The following TTBK2 variants were observed in gnomAD, a reference collection of about 807,000 sequenced individuals.
The protein encoded by TTBK2 is tau-tubulin kinase 2.
Under a neutral mutation model 110.8 loss-of-function variants are expected in TTBK2, and 28 were observed. The observed-to-expected ratio is 0.25, with a 90% confidence interval of 0.19 to 0.35. TTBK2 has a LOEUF of 0.35. TTBK2 is among the 10% of genes least tolerant of loss of function. The pLI, the probability that TTBK2 is intolerant of heterozygous loss-of-function variation, is 1.00. For missense variants in TTBK2, 1,369 were observed against 1,500.3 expected, an observed-to-expected ratio of 0.91 and a Z score of 1.45; for synonymous variants, 532 against 527.3, an observed-to-expected ratio of 1.01 and a Z score of -0.12.
At chr15:42,796,881 T>G (rs1379810518) in intron 9 of TTBK2, among the ~76,000 whole-genome samples, 1 of 152,208 alleles carries the variant, frequency 6.6e-6, no homozygotes, top group Non-Finnish European at 1.5e-5. Flanking sequence ...GGAAGAATTG[T>G]AAATACAGAA....
At chr15:42,828,634 A>C (rs1892628395) in intron 5 of TTBK2, among the ~76,000 whole-genome samples, 1 of 151,554 alleles carries the variant, frequency 6.6e-6, no homozygotes. Flanking sequence ...GAGGCAGGAG[A>C]ATTGCTTGAA....
At chr15:42,855,488 G>A in intron 3 of TTBK2, among the ~76,000 whole-genome samples, 1 of 152,252 alleles carries the variant, frequency 6.6e-6, no homozygotes, top group East Asian at 1.9e-4. Flanking sequence ...AAGAATACTG[G>A]AGTTATACAA....
At chr15:42,872,505 G>A in intron 3 of TTBK2, 106 bp downstream of exon 3, 2 of 1,335,746 alleles carry the variant, frequency 1.5e-6, no homozygotes, top group East Asian at 2.5e-5. Flanking sequence ...GCTGACACCA[G>A]TACATTCAAT....
In TTBK2 at chr15:42,828,041, A is replaced by G; in HGVS notation, c.433-9T>C. The G allele has an allele frequency of 6.3e-7, 1 of 1,597,598 alleles. No homozygotes were observed. Among genetic ancestry groups the G allele is most frequent in the South Asian group, 1.1e-5 (1 of 90,544 alleles). On this transcript the variant is annotated splice_polypyrimidine_tract_variant and intron_variant, in intron 5 of 14. Transcript: ENST00000267890. ...CCCATAGCGAAGTTCGACTAGAAAA[A>G]TAAAGAAGGAAAATATATACATTCT... is the stretch of plus-strand genomic sequence containing the variant.
At chr15:42,824,220 A>T (rs141589015) in intron 6 of TTBK2, among the ~76,000 whole-genome samples, 54 of 152,274 alleles carry the variant, frequency 3.5e-4, no homozygotes, top group African/African-American at 1.2e-3. Flanking sequence ...TCAAATTTCA[A>T]CATCAGATTT....
intron 1 of TTBK2, among the ~76,000 whole-genome samples, chr15:42,906,729 G>A (rs1197533): frequency 0.44 from 67,417 of 152,060 alleles, 19,101 homozygotes; most frequent in African/African-American, 0.81. Flanking sequence ...AACAATCAAC[G>A]AAGTAGACAA....
Position 42,841,305 on chromosome 15 carries a change from G to C in TTBK2, c.218-872C>G, listed in dbSNP as rs1893208747. Among the ~76,000 whole-genome samples the C allele has an allele frequency of 3.9e-5, 6 of 152,096 alleles. No individual in the cohort carries two copies. The South Asian group carries it at 1.2e-3, about 32-fold the overall frequency. ...CACTGCAACCTCTGCCTCCTGGAGG[G>C]CTCAACTGATCCTCCCACCTCAGCC... On this transcript the variant is annotated intron_variant, in intron 3 of 14. Transcript: ENST00000267890.
chr15:42,770,099 T>A (rs1018903340), intron 13 of TTBK2, among the ~76,000 whole-genome samples: 1 of 99,522 alleles, frequency 1.0e-5, no homozygotes, highest in Non-Finnish European at 2.0e-5. Flanking sequence ...CCAGGGCCTG[T>A]CGTGGGGTGG....
intron 14 of TTBK2, among the ~76,000 whole-genome samples, chr15:42,747,672 G>T (rs557667330): frequency 6.6e-6 from 1 of 152,344 alleles, no homozygotes; most frequent in African/African-American, 2.4e-5. Context: ...CAGCCCTGGG[G>T]TGGGGAGGGC....
chr15:42,890,322 G>T (rs1224211155), intron 1 of TTBK2, among the ~76,000 whole-genome samples: 2 of 152,174 alleles, frequency 1.3e-5, no homozygotes, highest in Admixed American at 6.5e-5. Context: ...ACACAAACCT[G>T]TTTGGTGGCC....
rs976318702 is a variant in TTBK2 at position 42,745,626 on chromosome 15, T to C, written c.*169A>G. 17 of 823,756 alleles carry C rather than the reference T, an allele frequency of 2.1e-5. No homozygotes were observed. Among genetic ancestry groups the C allele is most frequent in the Non-Finnish European group, 3.4e-5 (17 of 501,902 alleles). The allele number at this position is 823,756 out of a possible 1,614,324, so 51.0% of individuals were successfully genotyped here. ...TTCCTAATCTACTTGCTGCCTGCCT[T>C]AGGTAATTCCTTATCATGTATTATG... On this transcript the variant is annotated 3_prime_UTR_variant, in exon 15 of 15. Coordinates refer to ENST00000267890, the MANE Select transcript of TTBK2 (RefSeq NM_173500.4).
At position 42,751,985 on chromosome 15, in the gene TTBK2, T is replaced by C. The variant is rs2140587950; in HGVS notation, c.3261A>G (p.Gly1087=). 6.2e-7 allele frequency: 1 copy of C among 1,613,950 alleles called. No homozygotes were observed. Among genetic ancestry groups the C allele is most frequent in the East Asian group, 2.2e-5 (1 of 44,882 alleles). ...GCACACAGCATTACCTGGCTTCTAC[T>C]CCAGGCCTCGTGGGTGGCTTTCCTG... is the stretch of plus-strand genomic sequence containing the variant. ...PPPGKPPTRP[G]VEARLRRYKV... is the part of the protein sequence containing the mutation. The change falls in exon 14 of 15, where the codon GGA becomes GGG. Residue 1087 remains glycine, a synonymous_variant. Transcript: ENST00000267890.
chr15:42,867,433 A>T (rs1894420077), intron 3 of TTBK2, among the ~76,000 whole-genome samples: 1 of 152,136 alleles, frequency 6.6e-6, no homozygotes, highest in Non-Finnish European at 1.5e-5. Flanking sequence ...TTTGCAAAAG[A>T]CCTATATGAT....
intron 9 of TTBK2, among the ~76,000 whole-genome samples, chr15:42,796,156 C>A (rs969452519): frequency 3.9e-5 from 6 of 152,260 alleles, no homozygotes; most frequent in Admixed American, 3.3e-4. Context: ...GTAATCCCAG[C>A]ACTTTGGGAG....
chr15:42,811,801 C>T (rs1279032980), intron 7 of TTBK2, 21 bp from the exon 8 acceptor site: 71 of 1,603,026 alleles, frequency 4.4e-5, no homozygotes, highest in Non-Finnish European at 5.6e-5. Flanking sequence ...AAAACAGAAT[C>T]CAGTCACATA....
chr15:42,913,817 C>T (rs147367590), intron 1 of TTBK2, among the ~76,000 whole-genome samples: 3 of 152,252 alleles, frequency 2.0e-5, no homozygotes, highest in East Asian at 1.9e-4. Flanking sequence ...GAAAACACTA[C>T]ACATTCCTTG....
At chr15:42,891,965 T>C (rs1376883503) in intron 1 of TTBK2, among the ~76,000 whole-genome samples, 1 of 152,102 alleles carries the variant, frequency 6.6e-6, no homozygotes, top group African/African-American at 2.4e-5. Context: ...GTCAGTGAAC[T>C]TAATCAAAAA....
intron 3 of TTBK2, among the ~76,000 whole-genome samples, chr15:42,843,447 A>T (rs567639085): frequency 6.6e-6 from 1 of 152,298 alleles, no homozygotes; most frequent in South Asian, 2.1e-4. Context: ...CTCAGGAGTC[A>T]CTAGCTGGTG....
At chr15:42,827,867 T>A in intron 6 of TTBK2, 61 bp downstream of exon 6, 1 of 1,345,516 alleles carries the variant, frequency 7.4e-7, no homozygotes, top group Non-Finnish European at 1.1e-6. Context: ...GTTTAAAAAG[T>A]GTGATACTAT....
Sources: allele counts gnomAD v4.1 joint callset (sites outside exome capture counted in the v4.1 genomes callset), GRCh38; gene constraint gnomAD v4.1.1; transcripts MANE v1.5; gene names NCBI Gene and HGNC (gene_info 2026-07-23, HGNC 2026-07-21).